Variants in SLC44A5 observed in about 807,000 individuals in gnomAD.
The protein encoded by SLC44A5 is choline transporter-like protein 5.
Under a neutral mutation model 101.8 loss-of-function variants are expected in SLC44A5, and 57 were observed. The observed-to-expected ratio is 0.56, with a 90% CI of 0.45 to 0.70. The LOEUF is 0.70. Among genes scored for constraint, SLC44A5 ranks in the 30% least tolerant of loss-of-function variants. The pLI is 0.00. For missense variants in SLC44A5, 737 were observed against 853.1 expected, an observed-to-expected ratio of 0.86 and a Z score of 1.70; for synonymous variants, 281 against 290.9, an observed-to-expected ratio of 0.97 and a Z score of 0.35.
intron 2 of SLC44A5, among the ~76,000 whole-genome samples, chr1:75,514,420 C>T (rs1669719630): frequency 6.6e-6 from 1 of 152,138 alleles, no homozygotes; most frequent in Admixed American, 6.5e-5. Context: ...ATGTGAAGTA[C>T]TCAGATACTC....
chr1:75,343,436 T>C (rs570230841), intron 3 of SLC44A5, among the ~76,000 whole-genome samples: 10 of 152,284 alleles, frequency 6.6e-5, no homozygotes, highest in Admixed American at 2.6e-4. Context: ...AATGGCAAGA[T>C]AAAGCAGCCA....
chr1:75,603,599 G>T (rs753332040), intron 1 of SLC44A5, among the ~76,000 whole-genome samples: 1 of 151,774 alleles, frequency 6.6e-6, no homozygotes, highest in African/African-American at 2.4e-5. Context: ...ATTCCCAACA[G>T]TGTATATATG....
chr1:75,211,471 A>C lies in SLC44A5; in HGVS notation c.2044T>G (p.Phe682Val), dbSNP rs781153811. Reference protein sequence around the residue: ...AMCVETIFICFLEDLERNDGS... With the variant: ...AMCVETIFICVLEDLERNDGS... ...AACACACATACTGAATACTCACAGAAGCAGATGAAAATTGTTTCAACACAC... is the reference window on the plus strand; with the variant it reads ...AACACACATACTGAATACTCACAGACGCAGATGAAAATTGTTTCAACACAC... The change falls in exon 23 of 24, where the codon TTC (phenylalanine) becomes GTC (valine). Residue 682 changes from phenylalanine (F) to valine (V), a missense_variant. Around this residue, in one of 3 missense-constraint regions of SLC44A5, gnomAD observed 61 missense variants for 56.5 expected, o/e 1.08. Coordinates refer to ENST00000370859, the MANE Select transcript of SLC44A5 (RefSeq NM_001130058.2). 1 of 1,611,122 alleles carries C rather than the reference A, an allele frequency of 6.2e-7. No homozygotes were observed. The highest frequency in any genetic ancestry group is 1.1e-5 in the South Asian group (1 of 90,960).
At chr1:75,423,168 T>C (rs1275502855) in intron 2 of SLC44A5, among the ~76,000 whole-genome samples, 1 of 152,322 alleles carries the variant, frequency 6.6e-6, no homozygotes, top group Middle Eastern at 3.4e-3. Context: ...TATAGTACTC[T>C]CTACGGAATG....
intron 6 of SLC44A5, among the ~76,000 whole-genome samples, chr1:75,269,455 T>A (rs1397738648): frequency 1.3e-5 from 2 of 152,116 alleles, no homozygotes; most frequent in Admixed American, 6.6e-5. Flanking sequence ...TTTGGTGTTA[T>A]CTTTAGAAAA....
chr1:75,418,191 G>A (rs1663779924), intron 2 of SLC44A5, among the ~76,000 whole-genome samples: 1 of 152,208 alleles, frequency 6.6e-6, no homozygotes. Flanking sequence ...TGGAATCCAA[G>A]CAACAATGCA....
chr1:75,409,534 C>A (rs1421998495), intron 2 of SLC44A5, among the ~76,000 whole-genome samples: 2 of 151,640 alleles, frequency 1.3e-5, no homozygotes, highest in Non-Finnish European at 2.9e-5. Flanking sequence ...AGAGAAAGGG[C>A]CAGAAAATGG....
chr1:75,513,406 A>C lies in SLC44A5; in HGVS notation c.13+28029T>G, dbSNP rs148421198. The stretch of plus-strand genomic sequence containing the variant: ...GAGTTTAAAATCTGAGCATTTGTAA[A>C]GTGCAGCTTTGTCCATAGCTTTACC... On this transcript the variant is annotated intron_variant, in intron 2 of 23. Transcript: ENST00000370859. Among the ~76,000 whole-genome samples, 880 of 152,354 alleles carry C rather than the reference A, an allele frequency of 5.8e-3. 3 individuals carry two copies. Among genetic ancestry groups the C allele is most frequent in the African/African-American group, 0.02 (843 of 41,590 alleles).
chr1:75,578,875 C>T (rs1190130679), intron 1 of SLC44A5, among the ~76,000 whole-genome samples: 1 of 152,046 alleles, frequency 6.6e-6, no homozygotes, highest in Non-Finnish European at 1.5e-5. Context: ...ATAAAATATG[C>T]TGTACACTGA....
intron 5 of SLC44A5, among the ~76,000 whole-genome samples, chr1:75,276,155 A>G (rs187132897): frequency 7.2e-5 from 11 of 152,190 alleles, no homozygotes; most frequent in East Asian, 1.9e-4. Flanking sequence ...TCTTTCTCCA[A>G]TGTCATAGAG....
chr1:75,239,306 A>T (rs940247183), intron 9 of SLC44A5, among the ~76,000 whole-genome samples: 4 of 152,086 alleles, frequency 2.6e-5, no homozygotes, highest in African/African-American at 9.7e-5. Context: ...TTTTGATTGG[A>T]GTCTTTGCCT....
chr1:75,440,988 C>A (rs1026653849), intron 2 of SLC44A5, among the ~76,000 whole-genome samples: 40 of 151,602 alleles, frequency 2.6e-4, no homozygotes, highest in Non-Finnish European at 3.1e-4. Flanking sequence ...TGCATAATTT[C>A]TTGGGTTCCA....
chr1:75,594,662 T>C (rs6593582), intron 1 of SLC44A5, among the ~76,000 whole-genome samples: 145,297 of 151,956 alleles, frequency 0.96, 69,498 homozygotes, highest in East Asian at 0.97. Context: ...AGAAAATTAA[T>C]ATTTTCAAAT....
chr1:75,460,851 C>G (rs183605758), intron 2 of SLC44A5, among the ~76,000 whole-genome samples: 10 of 152,132 alleles, frequency 6.6e-5, no homozygotes, highest in Admixed American at 6.5e-4. Flanking sequence ...AAGAAAATCA[C>G]TTACATCCAA....
the SLC44A5 span, among the ~76,000 whole-genome samples, chr1:75,675,003 G>A: frequency 6.6e-6 from 1 of 152,128 alleles, no homozygotes; most frequent in African/African-American, 2.4e-5. Flanking sequence ...ATGCTCTTTG[G>A]TTACTGTAGA....
intron 6 of SLC44A5, among the ~76,000 whole-genome samples, chr1:75,270,288 A>C (rs1425091343): frequency 3.3e-5 from 5 of 152,144 alleles, no homozygotes; most frequent in Non-Finnish European, 4.4e-5. Context: ...TAACTTATTA[A>C]AATTTTAAAT....
intron 3 of SLC44A5, among the ~76,000 whole-genome samples, chr1:75,389,108 G>A (rs141937614): frequency 0.012 from 1,889 of 152,130 alleles, 40 homozygotes; most frequent in African/African-American, 0.037. Context: ...ATGATAAAGC[G>A]TTCATTTAAA....
At chr1:75,374,173 T>C (rs1189396060) in intron 3 of SLC44A5, among the ~76,000 whole-genome samples, 1 of 152,108 alleles carries the variant, frequency 6.6e-6, no homozygotes, top group African/African-American at 2.4e-5. Context: ...GGAGACCCAG[T>C]AGAAGGGGTG....
At chr1:75,332,476 C>A (rs1272884893) in intron 4 of SLC44A5, among the ~76,000 whole-genome samples, 1 of 152,056 alleles carries the variant, frequency 6.6e-6, no homozygotes, top group Non-Finnish European at 1.5e-5. Context: ...TATAGTTGTC[C>A]TTTTTTTCTT....
Sources: gnomAD v4.1 joint callset for allele counts (sites outside exome capture counted in the v4.1 genomes callset) on GRCh38, gnomAD v4.1.1 for gene constraint, gnomAD v4.1.1 regional missense constraint, MANE v1.5 for transcripts, NCBI Gene and HGNC (gene_info 2026-07-23, HGNC 2026-07-21) for gene names.